ZNF616: variants seen among roughly 807,000 people sequenced by gnomAD.
ZNF616 encodes the protein zinc finger protein 616.
In ZNF616, 5 loss-of-function variants were observed where a neutral mutation model predicts 7.6. That is an observed-to-expected ratio of 0.66 (90% CI 0.34 to 1.38). The LOEUF is 1.38. Among genes scored for constraint, ZNF616 ranks in the 40% most tolerant of loss-of-function variants. ZNF616 has a pLI of 0.04. For missense variants in ZNF616, 913 were observed against 948.3 expected, an observed-to-expected ratio of 0.96 and a Z score of 0.49; for synonymous variants, 319 against 317.2, an observed-to-expected ratio of 1.01 and a Z score of -0.06.
chr19:52,122,749 C>T lies in ZNF616; in HGVS notation c.139+1174G>A, dbSNP rs568646190. Among the ~76,000 whole-genome samples the T allele has an allele frequency of 3.3e-5, 5 of 151,780 alleles. No homozygotes were observed. In the South Asian group the frequency reaches 1.0e-3, roughly 32 times the overall value. ...TCCCGGGTTCATGCCATTCTCCTGC[C>T]TCTGCCTCCTGAGTAGCTGGGACTA... On this transcript the variant is annotated intron_variant, in intron 3 of 3. Coordinates refer to ENST00000600228, the MANE Select transcript of ZNF616 (RefSeq NM_178523.5).
Position 52,114,981 on chromosome 19 carries a change from C to G in ZNF616, c.2183G>C (p.Arg728Pro). The part of the protein sequence containing the change: ...KCIECGKAFG[R>P]LFSLSKHQRI... ...TTGGTGTTTGCTGAGGGAAAACAACCGCCCAAAGGCTTTGCCACATTCAAT... is the reference window on the plus strand; with the variant it reads ...TTGGTGTTTGCTGAGGGAAAACAACGGCCCAAAGGCTTTGCCACATTCAAT... The change falls in exon 4 of 4, where the codon CGG (arginine) becomes CCG (proline). Residue 728 changes from arginine to proline, a missense_variant. Transcript: ENST00000600228. 6 of 1,614,114 alleles carry G rather than the reference C, an allele frequency of 3.7e-6. No homozygotes were observed. Among genetic ancestry groups the G allele is most frequent in the Non-Finnish European group, 5.1e-6 (6 of 1,180,014 alleles).
intron 2 of ZNF616, among the ~76,000 whole-genome samples, chr19:52,127,717 C>G (rs1297436892): frequency 1.3e-5 from 2 of 152,136 alleles, no homozygotes; most frequent in Non-Finnish European, 2.9e-5. Flanking sequence ...CCCTCAAACA[C>G]CTGTGGTGAA....
intron 2 of ZNF616, among the ~76,000 whole-genome samples, chr19:52,128,531 C>A (rs1053071144): frequency 1.3e-5 from 2 of 151,920 alleles, no homozygotes; most frequent in African/African-American, 2.4e-5. Context: ...TCACCTGAGG[C>A]CGGAAGTTTG....
At chr19:52,124,486 C>T (rs1421486487) in intron 2 of ZNF616, among the ~76,000 whole-genome samples, 1 of 152,138 alleles carries the variant, frequency 6.6e-6, no homozygotes, top group Non-Finnish European at 1.5e-5. Context: ...ACGTGCTGGG[C>T]ATTATTCCAA....
intron 3 of ZNF616, among the ~76,000 whole-genome samples, chr19:52,120,614 G>T (rs1454457041): frequency 6.6e-6 from 1 of 152,120 alleles, no homozygotes; most frequent in African/African-American, 2.4e-5. Context: ...AATTGAAAGG[G>T]TGAAAAAAGA....
intron 1 of ZNF616, among the ~76,000 whole-genome samples, chr19:52,132,695 C>G (rs1175934135): frequency 6.6e-6 from 1 of 152,168 alleles, no homozygotes. Flanking sequence ...TGGAATCTTC[C>G]TACAGGCTCC....
intron 1 of ZNF616, among the ~76,000 whole-genome samples, chr19:52,131,129 A>G (rs1448989234): frequency 2.0e-5 from 3 of 152,068 alleles, no homozygotes; most frequent in Non-Finnish European, 4.4e-5. Flanking sequence ...TTAGCCAGGC[A>G]TGGTGGCACA....
At chr19:52,117,319 C>A (rs951463709) in intron 3 of ZNF616, among the ~76,000 whole-genome samples, 1 of 152,072 alleles carries the variant, frequency 6.6e-6, no homozygotes, top group African/African-American at 2.4e-5. Context: ...ATTTTGCAAC[C>A]AATGACACCA....
chr19:52,130,216 C>T (rs952967266), intron 2 of ZNF616, among the ~76,000 whole-genome samples: 4 of 152,194 alleles, frequency 2.6e-5, no homozygotes, highest in South Asian at 2.1e-4. Flanking sequence ...TCTGATACCA[C>T]GGGACCCTCA....
In ZNF616 at chr19:52,115,775, T is replaced by C. The variant is rs145147492; in HGVS notation, c.1389A>G (p.Lys463=). ...AVHWRIHTGE[K]AYKCNECGKV... is the part of the protein sequence containing the mutation. ...TGCCACATTCATTGCATTTATAAGC[T>C]TTCTCGCCGGTATGAATTCTCCAAT... The change falls in exon 4 of 4, where the codon AAA becomes AAG. Residue 463 remains lysine (K), a synonymous_variant. Coordinates refer to ENST00000600228, the MANE Select transcript of ZNF616 (RefSeq NM_178523.5). 26 of 1,609,592 alleles carry C rather than the reference T, an allele frequency of 1.6e-5. No homozygotes were observed. Among genetic ancestry groups the C allele is most frequent in the Non-Finnish European group, 2.2e-5 (26 of 1,178,036 alleles).
intron 1 of ZNF616, among the ~76,000 whole-genome samples, chr19:52,131,623 T>C (rs2088961147): frequency 6.6e-6 from 1 of 151,970 alleles, no homozygotes; most frequent in African/African-American, 2.4e-5. Flanking sequence ...ATGAAAGGAG[T>C]GTTCTGTGAG....
Position 52,114,022 on chromosome 19 carries a change from T to A in ZNF616, c.*796A>T, listed in dbSNP as rs1209034863. The A allele has an allele frequency of 6.6e-6, 1 of 152,224 alleles. No individual in the cohort carries two copies. Among genetic ancestry groups the A allele is most frequent in the African/African-American group, 2.4e-5 (1 of 41,458 alleles). The allele number at this position is 152,224 out of a possible 1,614,324, so 9.4% of individuals were successfully genotyped here. ...TTCTGTGGTTCCTCTCAAAGATGTA[T>A]ATTCTGATGCCTAGTGAGTTCCAAT... On this transcript the variant is annotated 3_prime_UTR_variant, in exon 4 of 4. Coordinates refer to ENST00000600228, the MANE Select transcript of ZNF616 (RefSeq NM_178523.5).
intron 1 of ZNF616, among the ~76,000 whole-genome samples, chr19:52,131,058 A>G (rs2088955483): frequency 6.6e-6 from 1 of 152,272 alleles, no homozygotes; most frequent in Admixed American, 6.5e-5. Context: ...ACCTGAGGTC[A>G]GGAATTCGAG....
At chr19:52,125,668 G>A (rs909726009) in intron 2 of ZNF616, among the ~76,000 whole-genome samples, 3 of 152,140 alleles carry the variant, frequency 2.0e-5, no homozygotes, top group East Asian at 1.9e-4. Context: ...GGTCTCAGGC[G>A]TGGTCCTGCT....
chr19:52,125,358 C>T (rs8104358), intron 2 of ZNF616, among the ~76,000 whole-genome samples: 3,135 of 152,292 alleles, frequency 0.021, 114 homozygotes, highest in African/African-American at 0.071. Context: ...CAACATCCAA[C>T]GGTGGCGTAG....
Position 52,130,489 on chromosome 19 carries a change from G to C in ZNF616, c.12+12C>G, listed in dbSNP as rs376825475. 15 of 1,606,826 alleles carry C rather than the reference G, an allele frequency of 9.3e-6. No homozygotes were observed. The highest frequency in any genetic ancestry group is 1.3e-5 in the Non-Finnish European group (15 of 1,173,552). On this transcript the variant is annotated intron_variant, in intron 2 of 3. Transcript: ENST00000600228. Reference sequence around the variant, plus strand: ...AAGAATATCACTTCACTTGAGTAAAGTATCACTCTACCTGAGTAGCCATCA... The same window carrying C: ...AAGAATATCACTTCACTTGAGTAAACTATCACTCTACCTGAGTAGCCATCA...
intron 1 of ZNF616, 64 bp from the exon 2 acceptor site, chr19:52,130,652 C>A: frequency 7.9e-7 from 1 of 1,269,024 alleles, no homozygotes; most frequent in South Asian, 1.4e-5. Flanking sequence ...GTGTCACAAC[C>A]ATGCACACAG....
chr19:52,115,056 T>G lies in ZNF616; in HGVS notation c.2108A>C (p.His703Pro), dbSNP rs2088805742. 6.2e-7 allele frequency: 1 copy of G among 1,614,068 alleles called. No individual in the cohort carries two copies. The highest frequency in any genetic ancestry group is 8.5e-7 in the Non-Finnish European group (1 of 1,180,020). Residue 703 changes from histidine to proline, a missense_variant, in exon 4 of 4, where the codon CAT becomes CCT. By Grantham distance (77) the His-to-Pro change is moderately conservative (BLOSUM62 -2). Transcript: ENST00000600228. ...GTGGATTCTCTGGTGACTTACAAGA[T>G]GTGAACTATGCCTGAATACCTTGCC... Reference protein sequence around the residue: ...ECGKVFRHSSHLVSHQRIHTG... With the variant: ...ECGKVFRHSSPLVSHQRIHTG...
At chr19:52,123,175 T>C (rs921758671) in intron 3 of ZNF616, among the ~76,000 whole-genome samples, 7 of 152,152 alleles carry the variant, frequency 4.6e-5, no homozygotes, top group Non-Finnish European at 1.0e-4. Context: ...CTCAAAAATA[T>C]GGAACTGATT....
Sources: allele counts gnomAD v4.1 joint callset (sites outside exome capture counted in the v4.1 genomes callset), GRCh38; gene constraint gnomAD v4.1.1; transcripts MANE v1.5; gene names NCBI Gene and HGNC (gene_info 2026-07-23, HGNC 2026-07-21).